DNAH5: variants seen among roughly 807,000 people sequenced by gnomAD.
DNAH5 encodes the protein axonemal beta dynein heavy chain 5.
Under a neutral mutation model 518.2 loss-of-function variants are expected in DNAH5, and 372 were observed. The ratio of observed to expected loss-of-function variants is 0.72; its 90% CI spans 0.66 to 0.78. The LOEUF is 0.78. Among genes scored for constraint, DNAH5 ranks in the 30% least tolerant of loss-of-function variants. The probability of loss-of-function intolerance (pLI) is 0.00; values close to 1 mark genes in which losing one functional copy is unlikely to be tolerated. For missense variants in DNAH5, 5,523 were observed against 5,687.0 expected (o/e 0.97, Z 0.93); for synonymous variants, 2,039 against 2,025.9 (o/e 1.01, Z -0.17).
intron 55 of DNAH5, 62 bp downstream of exon 55, chr5:13,776,377 C>T: frequency 1.2e-6 from 2 of 1,608,278 alleles, no homozygotes; most frequent in Admixed American, 1.7e-5. Context: ...TTCAAGCATC[C>T]CTGAAAGAAC....
intron 29 of DNAH5, chr5:13,860,419 G>C (rs1237818067): frequency 6.6e-6 from 1 of 152,286 alleles, no homozygotes; most frequent in African/African-American, 2.4e-5. Flanking sequence ...AAAAATTACT[G>C]ATGCCTGCCT....
In DNAH5 at chr5:13,714,613, G is replaced by A. The variant is rs773889655; in HGVS notation, c.12917C>T (p.Pro4306Leu). ...DNYLQYIQSL[P>L]AYDSPEVFGL... ...AAACACCTCAGGGCTGTCATAGGCA[G>A]GCAAACTCTGAACAACAGACACCCC... Residue 4306 changes from proline (P) to leucine (L), a missense_variant, in exon 75 of 79, where the codon CCT (proline) becomes CTT (leucine). Coordinates refer to ENST00000265104, the MANE Select transcript of DNAH5 (RefSeq NM_001369.3). The A allele has an allele frequency of 1.9e-6, 3 of 1,613,912 alleles. No homozygotes were observed. Among genetic ancestry groups the A allele is most frequent in the South Asian group, 1.1e-5 (1 of 91,064 alleles).
In DNAH5 at chr5:13,885,270, T is replaced by C. The variant is rs113911583; in HGVS notation, c.2744-42A>G. On this transcript the variant is annotated intron_variant, in intron 18 of 78. Coordinates refer to ENST00000265104, the MANE Select transcript of DNAH5 (RefSeq NM_001369.3). ...GAGATAGAGATAGAGATAAGTTAGATGGATGGATGGATAGATAGACAGATA... is the reference window on the plus strand; with the variant it reads ...GAGATAGAGATAGAGATAAGTTAGACGGATGGATGGATAGATAGACAGATA... The C allele has an allele frequency of 3.1e-3, 4,904 of 1,605,138 alleles. 133 individuals carry two copies. The African/African-American group carries it at 0.053, about 17-fold the overall frequency.
intron 29 of DNAH5, 43 bp downstream of exon 29, chr5:13,862,505 T>C: frequency 6.4e-7 from 1 of 1,574,110 alleles, no homozygotes; most frequent in Non-Finnish European, 8.7e-7. Context: ...TGTTTGCTAT[T>C]ACGGTTCTCA....
intron 31 of DNAH5, among the ~76,000 whole-genome samples, chr5:13,849,018 T>C (rs565377311): frequency 6.8e-4 from 103 of 152,316 alleles, no homozygotes; most frequent in African/African-American, 2.3e-3. Flanking sequence ...AGCTTCAAGG[T>C]AGTGGGGTGG....
intron 21 of DNAH5, among the ~76,000 whole-genome samples, chr5:13,877,849 C>A (rs1392857916): frequency 1.3e-5 from 2 of 152,066 alleles, no homozygotes; most frequent in Non-Finnish European, 2.9e-5. Context: ...CTCTCTGGAC[C>A]ACAAGAAAAA....
At chr5:13,766,203 C>A (rs753982105) in intron 58 of DNAH5, 24 bp from the exon 59 acceptor site, 1 of 1,613,280 alleles carries the variant, frequency 6.2e-7, no homozygotes, top group African/African-American at 1.3e-5. Flanking sequence ...GGAACGATCA[C>A]CCAACCACAG....
rs114811691 is a variant in DNAH5 at position 13,937,450 on chromosome 5, T to C, written c.58-6206A>G. ...CTGCACTCCTGTGTCTCTCAGAAAA[T>C]GATAACACCCTCACCCCATCTTCTA... On this transcript the variant is annotated intron_variant, in intron 1 of 78. Coordinates refer to ENST00000265104, the MANE Select transcript of DNAH5 (RefSeq NM_001369.3). 5.6e-3 allele frequency among the ~76,000 whole-genome samples: 843 copies of C among 151,000 alleles called. 4 individuals carry two copies. The highest frequency in any genetic ancestry group is 9.8e-3 in the Non-Finnish European group (662 of 67,830).
In DNAH5 at chr5:13,708,238, C is replaced by A; in HGVS notation, c.13223G>T (p.Arg4408Leu). Reference protein sequence around the residue: ...DRMQRVLSLVRSTLTELKLAI... With the variant: ...DRMQRVLSLVLSTLTELKLAI... ...AAGTTTCAGCTCAGTGAGGGTGCTG[C>A]GGACAAGGCTGAGTACCCTTTGCAT... The change falls in exon 76 of 79, where the codon CGC becomes CTC. Residue 4408 changes from arginine to leucine, a missense_variant. By Grantham distance (102) the Arg-to-Leu change is moderately radical. This residue lies in a region of DNAH5 where 387 missense variants were observed against 430.0 expected (regional missense o/e 0.90). Coordinates refer to ENST00000265104, the MANE Select transcript of DNAH5 (RefSeq NM_001369.3). The A allele has an allele frequency of 6.2e-7, 1 of 1,614,160 alleles. No individual in the cohort carries two copies. The highest frequency in any genetic ancestry group is 8.5e-7 in the Non-Finnish European group (1 of 1,180,006).
At chr5:13,816,702 C>CT (rs987812633) in intron 42 of DNAH5, among the ~76,000 whole-genome samples, 1 of 152,024 alleles carries the variant, frequency 6.6e-6, no homozygotes, top group Non-Finnish European at 1.5e-5. Flanking sequence ...AATATGAGCA[C>CT]TTTTTTAAAT....
chr5:13,714,945 T>C (rs921639114), intron 74 of DNAH5, among the ~76,000 whole-genome samples: 5 of 152,204 alleles, frequency 3.3e-5, no homozygotes, highest in East Asian at 3.9e-4. Context: ...GACAGTCTAA[T>C]AGACTTCAAA....
At chr5:13,892,869 C>T (rs1823040) in intron 16 of DNAH5, among the ~76,000 whole-genome samples, 85,543 of 151,568 alleles carry the variant, frequency 0.56, 24,350 homozygotes, top group South Asian at 0.64. Context: ...GGGTTCTAAA[C>T]TCATTATTAT....
At chr5:13,723,217 A>T (rs1347519415) in intron 70 of DNAH5, among the ~76,000 whole-genome samples, 1 of 152,212 alleles carries the variant, frequency 6.6e-6, no homozygotes, top group Non-Finnish European at 1.5e-5. Context: ...AGCCTCTGGC[A>T]GGTGTTTAAT....
At chr5:13,845,581 T>C (rs72732648) in intron 31 of DNAH5, among the ~76,000 whole-genome samples, 60,789 of 151,584 alleles carry the variant, frequency 0.4, 12,529 homozygotes, top group East Asian at 0.61. Flanking sequence ...GATCACTGAC[T>C]TGCTTTCAGC....
At chr5:13,814,130 T>C (rs1761096052) in intron 43 of DNAH5, among the ~76,000 whole-genome samples, 1 of 152,184 alleles carries the variant, frequency 6.6e-6, no homozygotes, top group Non-Finnish European at 1.5e-5. Flanking sequence ...ATCTGAAATA[T>C]TATTGCCAAG....
chr5:13,919,213 A>C lies in DNAH5; in HGVS notation c.938T>G (p.Leu313Arg), dbSNP rs1776985559. The C allele has an allele frequency of 2.5e-6, 4 of 1,613,974 alleles. No individual in the cohort carries two copies. The highest frequency in any genetic ancestry group is 3.4e-6 in the Non-Finnish European group (4 of 1,179,956). ...CGACTTGGCCGCCGCAAGCACTGCC[A>C]GCACAGCCTTCACATCCGGGCTTTT... ...QLKSPDVKAV[L>R]AVLAAAKSKL... Residue 313 changes from leucine to arginine, a missense_variant, in exon 7 of 79, where the codon CTG becomes CGG. By Grantham distance (102) the Leu-to-Arg change is moderately radical. Coordinates refer to ENST00000265104, the MANE Select transcript of DNAH5 (RefSeq NM_001369.3).
chr5:13,865,857 TC>T lies in DNAH5; in HGVS notation c.4165del (p.Glu1389ArgfsTer17). On this transcript the variant is annotated frameshift_variant, in exon 27 of 79. Coordinates refer to ENST00000265104, the MANE Select transcript of DNAH5 (RefSeq NM_001369.3). LOFTEE classifies it high-confidence loss of function. ...YRKYITYTGG[E>X]ELFGLPATQY... ...TGTAGCTGGCAGGCCAAAAAGCTCC[TC>T]TCCTCCAGTATATGTGATGTATTTC... is the stretch of plus-strand genomic sequence containing the variant. 6.2e-7 allele frequency: 1 copy of T among 1,613,360 alleles called. No individual in the cohort carries two copies. The highest frequency in any genetic ancestry group is 8.5e-7 in the Non-Finnish European group (1 of 1,179,440).
At chr5:14,002,629 A>T (rs1404266696) in intron 1 of DNAH5, among the ~76,000 whole-genome samples, 2 of 78,678 alleles carry the variant, frequency 2.5e-5, no homozygotes, top group Non-Finnish European at 5.7e-5. Context: ...TATTTTCAAA[A>T]TACACAGATA....
intron 35 of DNAH5, among the ~76,000 whole-genome samples, chr5:13,834,336 G>A (rs4547927): frequency 0.41 from 62,893 of 151,958 alleles, 13,439 homozygotes; most frequent in East Asian, 0.61. Flanking sequence ...GGATTTTAAT[G>A]TCTAAGCATC....
Sources: gnomAD v4.1 joint callset for allele counts (sites outside exome capture counted in the v4.1 genomes callset) on GRCh38, gnomAD v4.1.1 for gene constraint, gnomAD v4.1.1 regional missense constraint, MANE v1.5 for transcripts, NCBI Gene and HGNC (gene_info 2026-07-23, HGNC 2026-07-21) for gene names.